Variants in MDGA2 observed in about 807,000 individuals in gnomAD.
MDGA2 encodes MAM domain-containing glycosylphosphatidylinositol anchor protein 2.
MDGA2 carries 40 observed loss-of-function variants against 117.8 expected under a neutral mutation model. That is an observed-to-expected ratio of 0.34 (90% CI 0.26 to 0.44). The LOEUF (loss-of-function observed/expected upper bound fraction) is 0.44. Among genes scored for constraint, MDGA2 ranks in the 20% least tolerant of loss-of-function variants. The pLI, the probability that MDGA2 is intolerant of heterozygous loss-of-function variation, is 1.00. For synonymous variants in MDGA2, 452 were observed against 439.0 expected, an observed-to-expected ratio of 1.03 and a Z score of -0.37; for missense variants, 1,123 against 1,250.6, an observed-to-expected ratio of 0.90 and a Z score of 1.54.
intron 1 of MDGA2, among the ~76,000 whole-genome samples, chr14:47,483,034 C>G (rs1441507093): frequency 1.3e-5 from 2 of 151,900 alleles, no homozygotes; most frequent in Non-Finnish European, 2.9e-5. Flanking sequence ...AAACATTTTA[C>G]TGAACTGACA....
chr14:47,620,961 T>C (rs1897039163), intron 1 of MDGA2, among the ~76,000 whole-genome samples: 1 of 152,190 alleles, frequency 6.6e-6, no homozygotes, highest in South Asian at 2.1e-4. Context: ...GCATCTCCAA[T>C]GCTGAAAATT....
At chr14:47,503,746 T>A (rs1757056696) in intron 1 of MDGA2, among the ~76,000 whole-genome samples, 1 of 152,190 alleles carries the variant, frequency 6.6e-6, no homozygotes, top group African/African-American at 2.4e-5. Context: ...TATCCCTTTA[T>A]TTTGTTGTCA....
In MDGA2 at chr14:47,235,681, C is replaced by A. The variant is rs78039077; in HGVS notation, c.421-17486G>T. Among the ~76,000 whole-genome samples, 359 of 152,248 alleles carry A rather than the reference C, an allele frequency of 2.4e-3. 2 individuals are homozygous for A. Among genetic ancestry groups the A allele is most frequent in the African/African-American group, 8.3e-3 (346 of 41,530 alleles). On this transcript the variant is annotated intron_variant, in intron 2 of 16. Transcript: ENST00000399232. Reference sequence around the variant, plus strand: ...GAGGAAATGCAAAGGATGTGTTGTTCGTGATATGCCTTTCTTCTGCATACC... The same window carrying A: ...GAGGAAATGCAAAGGATGTGTTGTTAGTGATATGCCTTTCTTCTGCATACC...
At chr14:46,905,501 T>C (rs1883454332) in intron 10 of MDGA2, among the ~76,000 whole-genome samples, 1 of 152,190 alleles carries the variant, frequency 6.6e-6, no homozygotes, top group Admixed American at 6.5e-5. Context: ...ATTATGCATA[T>C]GCACAGTAAA....
intron 7 of MDGA2, among the ~76,000 whole-genome samples, chr14:47,042,706 A>T (rs1351746079): frequency 6.6e-6 from 1 of 152,148 alleles, no homozygotes; most frequent in Non-Finnish European, 1.5e-5. Context: ...GCACATCACT[A>T]ATGATAGCTC....
At chr14:47,366,092 T>G (rs1891225065) in intron 1 of MDGA2, among the ~76,000 whole-genome samples, 1 of 152,168 alleles carries the variant, frequency 6.6e-6, no homozygotes, top group Non-Finnish European at 1.5e-5. Flanking sequence ...ATACTTCCAG[T>G]AACTGCAGTT....
chr14:46,939,638 T>G lies in MDGA2; in HGVS notation c.2089+17736A>C, dbSNP rs143499710. On this transcript the variant is annotated intron_variant, in intron 9 of 16. Coordinates refer to ENST00000399232, the MANE Select transcript of MDGA2 (RefSeq NM_001113498.3). ...GACAGAACAAAATGTTTTAAGGCAC[T>G]TTTGTTGTTAGTTGCTGTATTTGTC... is the stretch of plus-strand genomic sequence containing the variant. 1.1e-3 allele frequency among the ~76,000 whole-genome samples: 174 copies of G among 152,334 alleles called. 1 individual carries two copies. The highest frequency in any genetic ancestry group is 3.7e-3 in the African/African-American group (155 of 41,592).
chr14:47,505,848 T>C (rs1894500500), intron 1 of MDGA2, among the ~76,000 whole-genome samples: 1 of 152,236 alleles, frequency 6.6e-6, no homozygotes, highest in Non-Finnish European at 1.5e-5. Flanking sequence ...GATTTTTTAC[T>C]TGGTTGGACC....
At chr14:46,901,652 A>G (rs946127200) in intron 10 of MDGA2, among the ~76,000 whole-genome samples, 3 of 152,248 alleles carry the variant, frequency 2.0e-5, no homozygotes, top group African/African-American at 7.2e-5. Context: ...CCATGCTTTT[A>G]TGCAATTGTA....
intron 10 of MDGA2, among the ~76,000 whole-genome samples, chr14:46,890,504 A>C (rs577940589): frequency 1.3e-5 from 2 of 152,146 alleles, no homozygotes; most frequent in African/African-American, 4.8e-5. Context: ...TTCTTTTAGC[A>C]TCAGTTACTG....
At chr14:46,948,921 T>A (rs1049222467) in intron 9 of MDGA2, among the ~76,000 whole-genome samples, 1 of 152,030 alleles carries the variant, frequency 6.6e-6, no homozygotes, top group Non-Finnish European at 1.5e-5. Context: ...ACATCAGTCA[T>A]CCTCTCCATC....
chr14:47,025,559 T>C (rs1289279533), intron 8 of MDGA2, among the ~76,000 whole-genome samples: 2 of 152,096 alleles, frequency 1.3e-5, no homozygotes, highest in African/African-American at 4.8e-5. Context: ...TGGGGTGATT[T>C]TGCCAGTCAG....
chr14:47,471,131 TG>T (rs1368889355), intron 1 of MDGA2, among the ~76,000 whole-genome samples: 7 of 152,148 alleles, frequency 4.6e-5, no homozygotes, highest in Admixed American at 3.9e-4. Context: ...TAAGTGTGTC[TG>T]TTTTTTTTCT....
intron 2 of MDGA2, among the ~76,000 whole-genome samples, chr14:47,246,919 T>C (rs955382587): frequency 1.3e-5 from 2 of 151,438 alleles, no homozygotes; most frequent in African/African-American, 4.8e-5. Flanking sequence ...GTTTGGAGAA[T>C]AGGAAGATTC....
chr14:46,918,975 G>A (rs963739726), intron 10 of MDGA2, among the ~76,000 whole-genome samples: 7 of 151,990 alleles, frequency 4.6e-5, no homozygotes, highest in Non-Finnish European at 8.8e-5. Flanking sequence ...TGTTAGCCAG[G>A]ATGGTCTCAA....
intron 8 of MDGA2, among the ~76,000 whole-genome samples, chr14:47,027,483 T>C (rs1245597213): frequency 6.6e-6 from 1 of 152,020 alleles, no homozygotes; most frequent in African/African-American, 2.4e-5. Flanking sequence ...AAATTATGGT[T>C]GTACTTACTT....
intron 10 of MDGA2, among the ~76,000 whole-genome samples, chr14:46,888,270 C>T (rs1882745113): frequency 6.6e-6 from 1 of 151,858 alleles, no homozygotes; most frequent in Non-Finnish European, 1.5e-5. Context: ...AAAGGAGATG[C>T]AATATTATTC....
At chr14:47,214,863 T>G (rs2139497952) in intron 3 of MDGA2, among the ~76,000 whole-genome samples, 1 of 152,220 alleles carries the variant, frequency 6.6e-6, no homozygotes, top group East Asian at 1.9e-4. Flanking sequence ...TGCATTACAT[T>G]AATATATACA....
chr14:46,931,526 T>C (rs1366156242), intron 9 of MDGA2, among the ~76,000 whole-genome samples: 1 of 20,308 alleles, frequency 4.9e-5, no homozygotes, highest in Admixed American at 4.3e-4. Context: ...TTATTTTTGC[T>C]TTTTTTTTTT....
Sources: gnomAD v4.1 joint callset for allele counts (sites outside exome capture counted in the v4.1 genomes callset) on GRCh38, gnomAD v4.1.1 for gene constraint, MANE v1.5 for transcripts, NCBI Gene and HGNC (gene_info 2026-07-23, HGNC 2026-07-21) for gene names.